Variants in TBC1D5 observed in about 807,000 individuals in gnomAD.
TBC1D5 encodes the protein TBC1 domain family member 5, also known as TBC1 domain family, member 5.
In TBC1D5, 75 loss-of-function variants were observed where a neutral mutation model predicts 100.3. The observed-to-expected ratio is 0.75, with a 90% CI of 0.62 to 0.91. The LOEUF is 0.91. Ranked by LOEUF, TBC1D5 falls within the 40% of genes least tolerant of loss-of-function variation. The probability of loss-of-function intolerance (pLI) is 0.00; values close to 1 mark genes in which losing one functional copy is unlikely to be tolerated. For missense variants in TBC1D5, 910 were observed against 942.4 expected (o/e 0.97, Z 0.45); for synonymous variants, 323 against 325.6 (o/e 0.99, Z 0.09).
chr3:17,410,419 C>T (rs1396809347), intron 4 of TBC1D5, among the ~76,000 whole-genome samples: 2 of 152,242 alleles, frequency 1.3e-5, no homozygotes, highest in East Asian at 1.9e-4. Context: ...ATCCATTCTG[C>T]GGCCCATGAA....
intron 2 of TBC1D5, among the ~76,000 whole-genome samples, chr3:17,514,202 TATA>T (rs2095952595): frequency 1.3e-5 from 2 of 152,216 alleles, no homozygotes; most frequent in Admixed American, 1.3e-4. Flanking sequence ...TGTTAGATTG[TATA>T]TCAAAGTAGT....
Position 17,631,340 on chromosome 3 carries a change from C to T in TBC1D5, c.-100-7427G>A, listed in dbSNP as rs2063494720. On this transcript the variant is annotated intron_variant, in intron 1 of 21. Transcript: ENST00000253692. Reference sequence around the variant, plus strand: ...CTGCAGAAGAAAAGTTAGAAGCTAGCAGACATTGATTCCTACGGTTGAAAA... The same window carrying T: ...CTGCAGAAGAAAAGTTAGAAGCTAGTAGACATTGATTCCTACGGTTGAAAA... 3.9e-5 allele frequency among the ~76,000 whole-genome samples: 6 copies of T among 152,168 alleles called. No homozygotes were observed. In the South Asian group the frequency reaches 1.0e-3, roughly 26 times the overall value.
At chr3:17,616,655 TC>T (rs2062188256) in intron 2 of TBC1D5, among the ~76,000 whole-genome samples, 1 of 152,332 alleles carries the variant, frequency 6.6e-6, no homozygotes, top group South Asian at 2.1e-4. Flanking sequence ...GCCTTCTTTG[TC>T]TCTTTGGATC....
At chr3:17,510,118 T>G (rs1460313794) in intron 2 of TBC1D5, among the ~76,000 whole-genome samples, 1 of 151,806 alleles carries the variant, frequency 6.6e-6, no homozygotes, top group South Asian at 2.1e-4. Context: ...AAAAAAGAAG[T>G]GGTAAAAGCA....
intron 2 of TBC1D5, among the ~76,000 whole-genome samples, chr3:17,606,196 G>A (rs1404045854): frequency 3.9e-5 from 6 of 152,130 alleles, no homozygotes; most frequent in Non-Finnish European, 7.4e-5. Flanking sequence ...TATCAGGCAC[G>A]TTGGGAAGCC....
At position 17,703,903 on chromosome 3, in the gene TBC1D5, GTTTTTT is replaced by G. The variant is rs36000123; in HGVS notation, c.-101+35434_-101+35439del. On this transcript the variant is annotated intron_variant, in intron 1 of 21. Coordinates refer to ENST00000253692, the Ensembl canonical transcript of TBC1D5. ...AAGAATGTACCACATTGATATTTGT[GTTTTTT>G]TTTTGTTTTTTTTTTTTTAATTTAT... 4.1e-5 allele frequency among the ~76,000 whole-genome samples: 6 copies of G among 145,178 alleles called. No homozygotes were observed. The East Asian group carries it at 9.8e-4, about 24-fold the overall frequency.
intron 3 of TBC1D5, among the ~76,000 whole-genome samples, chr3:17,468,194 C>CA (rs1258561205): frequency 2.6e-5 from 4 of 152,294 alleles, no homozygotes; most frequent in Non-Finnish European, 4.4e-5. Context: ...AAGACTCTAA[C>CA]ATCAATTGAA....
chr3:17,421,873 CT>C (rs1283198874), intron 4 of TBC1D5, among the ~76,000 whole-genome samples: 1 of 152,110 alleles, frequency 6.6e-6, no homozygotes, highest in African/African-American at 2.4e-5. Context: ...TTAAGAACAT[CT>C]TAACATTATA....
At chr3:17,178,066 C>CTTT (rs34673889) in intron 19 of TBC1D5, among the ~76,000 whole-genome samples, 1,778 of 130,036 alleles carry the variant, frequency 0.014, 75 homozygotes, top group African/African-American at 0.039. Flanking sequence ...AATAGTGCTC[C>CTTT]TTTTTTTTTT....
chr3:17,718,402 C>A (rs939899090), intron 1 of TBC1D5, among the ~76,000 whole-genome samples: 6 of 152,122 alleles, frequency 3.9e-5, no homozygotes, highest in African/African-American at 1.4e-4. Flanking sequence ...TCGAGACCAT[C>A]CTAGCTAACA....
At chr3:17,607,463 A>G (rs893667226) in intron 2 of TBC1D5, among the ~76,000 whole-genome samples, 1 of 152,108 alleles carries the variant, frequency 6.6e-6, no homozygotes, top group African/African-American at 2.4e-5. Context: ...ACCTGGATCT[A>G]ACTATAAATG....
At chr3:17,376,412 C>A (rs571858990) in intron 10 of TBC1D5, 113 bp downstream of exon 10, 1 of 902,804 alleles carries the variant, frequency 1.1e-6, no homozygotes, top group South Asian at 1.9e-5. Flanking sequence ...CAAATGTTTA[C>A]AACTTGTACA....
At chr3:17,568,351 G>A (rs1477112120) in intron 2 of TBC1D5, among the ~76,000 whole-genome samples, 1 of 151,202 alleles carries the variant, frequency 6.6e-6, no homozygotes, top group Non-Finnish European at 1.5e-5. Flanking sequence ...CATTAACATA[G>A]TTTGGTTAAA....
chr3:17,471,948 G>T (rs147624129), intron 3 of TBC1D5, among the ~76,000 whole-genome samples: 1 of 152,072 alleles, frequency 6.6e-6, no homozygotes, highest in African/African-American at 2.4e-5. Context: ...ACCACATGAC[G>T]AAATCTACCC....
chr3:17,576,388 A>G (rs550223887), intron 2 of TBC1D5: 1 of 152,046 alleles, frequency 6.6e-6, no homozygotes, highest in African/African-American at 2.4e-5. Flanking sequence ...AGTTATAACT[A>G]TAATATTTAA....
chr3:17,569,803 A>G (rs1020369862), intron 2 of TBC1D5, among the ~76,000 whole-genome samples: 4 of 151,436 alleles, frequency 2.6e-5, no homozygotes, highest in African/African-American at 9.7e-5. Flanking sequence ...ACATGTTATA[A>G]ATGTTTATTT....
At chr3:17,705,902 CTCCT>C (rs1186823649) in intron 1 of TBC1D5, among the ~76,000 whole-genome samples, 1 of 151,756 alleles carries the variant, frequency 6.6e-6, no homozygotes, top group African/African-American at 2.4e-5. Flanking sequence ...CAGGCGTCTG[CTCCT>C]TGCCCTCGGG....
intron 13 of TBC1D5, among the ~76,000 whole-genome samples, chr3:17,357,773 T>A (rs1005517307): frequency 2.9e-4 from 44 of 152,204 alleles, no homozygotes; most frequent in African/African-American, 9.9e-4. Context: ...TGATCTGACT[T>A]TAGCTTTTCT....
intron 13 of TBC1D5, among the ~76,000 whole-genome samples, chr3:17,320,671 T>C (rs1286511736): frequency 1.3e-5 from 2 of 152,254 alleles, no homozygotes; most frequent in Non-Finnish European, 1.5e-5. Flanking sequence ...ATTTATATTA[T>C]TGATTCATCT....
Sources: allele counts gnomAD v4.1 joint callset (sites outside exome capture counted in the v4.1 genomes callset), GRCh38; gene constraint gnomAD v4.1.1; transcripts MANE v1.5; gene names NCBI Gene and HGNC (gene_info 2026-07-23, HGNC 2026-07-21).